The following HTR1F variants were observed in gnomAD, a reference collection of about 807,000 sequenced individuals.
The protein encoded by HTR1F is 5-hydroxytryptamine receptor 1F, also known as 5-hydroxytryptamine (serotonin) receptor 1F, G protein-coupled.
In HTR1F, 17 loss-of-function variants were observed where a neutral mutation model predicts 24.0. That is an observed-to-expected ratio of 0.71 (90% CI 0.48 to 1.06). The LOEUF (loss-of-function observed/expected upper bound fraction) is 1.06, where lower values mean the gene tolerates loss of function less well. Among genes scored for constraint, HTR1F ranks in the 50% least tolerant of loss-of-function variants. The pLI, the probability that HTR1F is intolerant of heterozygous loss-of-function variation, is 0.00. For synonymous variants in HTR1F, 186 were observed against 156.8 expected (o/e 1.19, Z -1.39); for missense variants, 391 against 427.8 (o/e 0.91, Z 0.76).
rs74855010 is a variant in HTR1F at position 87,936,392 on chromosome 3, T to C, written c.-42-54316T>C. Among the ~76,000 whole-genome samples, 283 of 152,340 alleles carry C rather than the reference T, an allele frequency of 1.9e-3. 5 individuals are homozygous for C. In the East Asian group the frequency reaches 0.051, roughly 27 times the overall value. On this transcript the variant is annotated intron_variant, in intron 2 of 2. Transcript: ENST00000319595. ...AACTGAAAGATTAATAATTTTGCTTTCTTCCTCTGAGCCACTTGAGTCTCC... is the reference window on the plus strand; with the variant it reads ...AACTGAAAGATTAATAATTTTGCTTCCTTCCTCTGAGCCACTTGAGTCTCC...
At chr3:87,821,169 C>T (rs1006013114) in intron 1 of HTR1F, among the ~76,000 whole-genome samples, 6 of 152,178 alleles carry the variant, frequency 3.9e-5, no homozygotes, top group East Asian at 1.9e-4. Flanking sequence ...AAATTAAATA[C>T]GTTGTTTAGA....
At chr3:87,990,622 CAT>C in intron 2 of HTR1F, 84 bp from the exon 3 acceptor site, 1 of 660,594 alleles carries the variant, frequency 1.5e-6, no homozygotes. Flanking sequence ...GTAAACATAA[CAT>C]ACACTTTTTA....
intron 2 of HTR1F, among the ~76,000 whole-genome samples, chr3:87,904,617 A>C (rs1703618438): frequency 6.6e-6 from 1 of 152,118 alleles, no homozygotes; most frequent in African/African-American, 2.4e-5. Flanking sequence ...AAAATGAATA[A>C]ATAAACTGTG....
chr3:87,849,428 C>T (rs1406057806), intron 2 of HTR1F, among the ~76,000 whole-genome samples: 1 of 151,714 alleles, frequency 6.6e-6, no homozygotes, highest in African/African-American at 2.4e-5. Context: ...AAACTGGATC[C>T]CTTTCTTACA....
intron 2 of HTR1F, among the ~76,000 whole-genome samples, chr3:87,926,345 C>A (rs538411793): frequency 3.9e-5 from 6 of 152,272 alleles, no homozygotes; most frequent in African/African-American, 1.4e-4. Context: ...CCACTTGGAA[C>A]ATATCTTTAT....
intron 2 of HTR1F, among the ~76,000 whole-genome samples, chr3:87,828,845 T>C (rs533840939): frequency 6.6e-6 from 1 of 152,286 alleles, no homozygotes; most frequent in South Asian, 2.1e-4. Context: ...AATTCAACCT[T>C]CTGGACGAAA....
At chr3:87,816,694 A>G (rs1704256489) in intron 1 of HTR1F, among the ~76,000 whole-genome samples, 4 of 152,108 alleles carry the variant, frequency 2.6e-5, no homozygotes, top group Admixed American at 1.3e-4. Flanking sequence ...TGTCTAAAAA[A>G]TATCTCCCCC....
chr3:87,965,406 T>C (rs1705143117), intron 2 of HTR1F, among the ~76,000 whole-genome samples: 1 of 152,214 alleles, frequency 6.6e-6, no homozygotes, highest in African/African-American at 2.4e-5. Flanking sequence ...ACTTTTCATA[T>C]ATATTGCAAA....
At position 87,854,425 on chromosome 3, in the gene HTR1F, T is replaced by A. The variant is rs9815214; in HGVS notation, c.-43+32301T>A. On this transcript the variant is annotated intron_variant, in intron 2 of 2. Coordinates refer to ENST00000319595, the MANE Select transcript of HTR1F (RefSeq NM_001322209.2). Reference sequence around the variant, plus strand: ...TTTTATCTTCATTGATTCCTTTTTGTCTATCTTTATTCCTAATACTTATTA... The same window carrying A: ...TTTTATCTTCATTGATTCCTTTTTGACTATCTTTATTCCTAATACTTATTA... Among the ~76,000 whole-genome samples the A allele has an allele frequency of 3.3e-5, 5 of 152,154 alleles. No homozygotes were observed. In the South Asian group the frequency reaches 8.3e-4, roughly 25 times the overall value.
At chr3:87,808,656 G>T in intron 1 of HTR1F, among the ~76,000 whole-genome samples, 1 of 150,872 alleles carries the variant, frequency 6.6e-6, no homozygotes, top group African/African-American at 2.4e-5. Context: ...TACTTATTTG[G>T]GGTTTGGTTT....
At chr3:87,865,360 C>T (rs1415525255) in intron 2 of HTR1F, among the ~76,000 whole-genome samples, 4 of 151,588 alleles carry the variant, frequency 2.6e-5, no homozygotes, top group African/African-American at 9.7e-5. Context: ...ACAAGTGTAC[C>T]ACTTGATGAA....
intron 2 of HTR1F, among the ~76,000 whole-genome samples, chr3:87,850,820 A>T (rs1356633986): frequency 1.3e-5 from 2 of 151,436 alleles, no homozygotes; most frequent in African/African-American, 4.9e-5. Context: ...CAACAACAAA[A>T]AAAAAAACCT....
chr3:87,860,312 G>A (rs928777253), intron 2 of HTR1F, among the ~76,000 whole-genome samples: 2 of 152,116 alleles, frequency 1.3e-5, no homozygotes, highest in African/African-American at 4.8e-5. Context: ...AATATAATAT[G>A]TAAACACATT....
intron 2 of HTR1F, among the ~76,000 whole-genome samples, chr3:87,854,479 G>C (rs1200456764): frequency 6.6e-6 from 1 of 151,576 alleles, no homozygotes; most frequent in African/African-American, 2.4e-5. Context: ...TTAATACCTA[G>C]GGTAGGTGTG....
Position 87,852,004 on chromosome 3 carries a change from A to G in HTR1F, c.-43+29880A>G, listed in dbSNP as rs112961327. Among the ~76,000 whole-genome samples, 13 of 151,516 alleles carry G rather than the reference A, an allele frequency of 8.6e-5. 2 individuals carry two copies. The highest frequency in any genetic ancestry group is 3.2e-4 in the African/African-American group (13 of 41,258). On this transcript the variant is annotated intron_variant, in intron 2 of 2. Transcript: ENST00000319595. ...AAAAGAATGTACATTTCTACCAGCA[A>G]TAGCTGAGACTCTATTTTTCCAAAC... is the stretch of plus-strand genomic sequence containing the variant.
intron 2 of HTR1F, among the ~76,000 whole-genome samples, chr3:87,940,728 A>G (rs1046553768): frequency 1.3e-5 from 2 of 152,218 alleles, no homozygotes; most frequent in African/African-American, 4.8e-5. Context: ...AAACTGTACT[A>G]CAAGGCTGCA....
intron 2 of HTR1F, among the ~76,000 whole-genome samples, chr3:87,868,850 A>G (rs1705482314): frequency 6.6e-6 from 1 of 152,042 alleles, no homozygotes; most frequent in African/African-American, 2.4e-5. Flanking sequence ...TACTTACAAC[A>G]AACATTCTAG....
chr3:87,884,561 G>C (rs1486218873), intron 2 of HTR1F, among the ~76,000 whole-genome samples: 1 of 152,106 alleles, frequency 6.6e-6, no homozygotes, highest in Admixed American at 6.6e-5. Flanking sequence ...TGGCAAATTG[G>C]ATAAAGAGTC....
At chr3:87,865,177 G>GCAT (rs1705400233) in intron 2 of HTR1F, among the ~76,000 whole-genome samples, 1 of 151,914 alleles carries the variant, frequency 6.6e-6, no homozygotes, top group Admixed American at 6.6e-5. Flanking sequence ...GCTTCAATAC[G>GCAT]TCAAATTCCA....
Sources: allele counts gnomAD v4.1 joint callset (sites outside exome capture counted in the v4.1 genomes callset), GRCh38; gene constraint gnomAD v4.1.1; transcripts MANE v1.5; gene names NCBI Gene and HGNC (gene_info 2026-07-23, HGNC 2026-07-21).